The following SKAP2 variants were observed in gnomAD, a reference collection of about 807,000 sequenced individuals.
SKAP2 encodes src kinase associated phosphoprotein 2, also known as src kinase-associated phosphoprotein 2.
A neutral mutation model predicts 54.9 loss-of-function variants in SKAP2; 28 were observed. The observed-to-expected ratio is 0.51, with a 90% confidence interval of 0.38 to 0.70. SKAP2 has a LOEUF of 0.70. Ranked by LOEUF, SKAP2 falls within the 30% of genes least tolerant of loss-of-function variation. The probability of loss-of-function intolerance (pLI) is 0.00; values close to 1 mark genes in which losing one functional copy is unlikely to be tolerated. For synonymous variants in SKAP2, 137 were observed against 134.3 expected (o/e 1.02, Z -0.14); for missense variants, 356 against 424.1 (o/e 0.84, Z 1.41).
intron 4 of SKAP2, among the ~76,000 whole-genome samples, chr7:26,772,662 T>C (rs1195954788): frequency 6.6e-6 from 1 of 152,252 alleles, no homozygotes; most frequent in Non-Finnish European, 1.5e-5. Flanking sequence ...GTAGTTGCTA[T>C]TGTGAATAGT....
intron 4 of SKAP2, among the ~76,000 whole-genome samples, chr7:26,767,985 G>A (rs1173532384): frequency 1.3e-5 from 2 of 152,146 alleles, no homozygotes; most frequent in Non-Finnish European, 2.9e-5. Flanking sequence ...GGTCCACTTG[G>A]TTCAGAGCTG....
chr7:26,754,502 T>A (rs1406571517), intron 4 of SKAP2, among the ~76,000 whole-genome samples: 1 of 152,070 alleles, frequency 6.6e-6, no homozygotes, highest in Non-Finnish European at 1.5e-5. Context: ...GTGGGCTATC[T>A]CACTGCAGGA....
At chr7:26,660,039 AT>A in the SKAP2 span, among the ~76,000 whole-genome samples, 1 of 152,056 alleles carries the variant, frequency 6.6e-6, no homozygotes, top group Non-Finnish European at 1.5e-5. Context: ...TCTTCTCAAC[AT>A]TTTTTTAAGA....
rs186917148 is a variant in SKAP2, at chr7:26,675,907, G to A, written c.988-5715C>T. Reference sequence around the variant, plus strand: ...AGAAAGAAGGTATTTGTCCACATTGGAACAGGGACCAACTAATTCCAGTTC... The same window carrying A: ...AGAAAGAAGGTATTTGTCCACATTGAAACAGGGACCAACTAATTCCAGTTC... On this transcript the variant is annotated intron_variant, in intron 11 of 12. Transcript: ENST00000345317. Among the ~76,000 whole-genome samples, 358 of 152,258 alleles carry A rather than the reference G, an allele frequency of 2.4e-3. 1 individual carries two copies. The highest frequency in any genetic ancestry group is 6.8e-3 in the Middle Eastern group (2 of 294).
chr7:26,777,595 C>A (rs1338859636), intron 4 of SKAP2, among the ~76,000 whole-genome samples: 9 of 152,046 alleles, frequency 5.9e-5, no homozygotes. Flanking sequence ...CACATGGTAG[C>A]AGTGTGTTTC....
chr7:26,841,501 C>G (rs1784815206), intron 4 of SKAP2, among the ~76,000 whole-genome samples: 1 of 152,044 alleles, frequency 6.6e-6, no homozygotes, highest in Non-Finnish European at 1.5e-5. Flanking sequence ...TACCAGCAAT[C>G]AAGTCGAAGC....
At chr7:26,796,264 CAT>C (rs1332560819) in intron 4 of SKAP2, among the ~76,000 whole-genome samples, 1 of 152,204 alleles carries the variant, frequency 6.6e-6, no homozygotes, top group Non-Finnish European at 1.5e-5. Flanking sequence ...TTGGTAATAA[CAT>C]CATAGCCATC....
intron 4 of SKAP2, among the ~76,000 whole-genome samples, chr7:26,829,649 T>C (rs1349074803): frequency 6.6e-6 from 1 of 151,970 alleles, no homozygotes. Context: ...AATAAGCACA[T>C]AAAAAGGTGA....
chr7:26,690,741 C>T (rs1562576770), intron 9 of SKAP2, among the ~76,000 whole-genome samples: 2 of 152,112 alleles, frequency 1.3e-5, no homozygotes, highest in Non-Finnish European at 2.9e-5. Context: ...TCAGGAAAAC[C>T]CTTAAATCCA....
chr7:26,715,154 GC>G (rs1787402295), intron 9 of SKAP2, among the ~76,000 whole-genome samples: 1 of 151,856 alleles, frequency 6.6e-6, no homozygotes, highest in South Asian at 2.1e-4. Context: ...ACAAATATTA[GC>G]ATTTTAATTT....
chr7:26,689,026 C>T (rs1471278006), intron 10 of SKAP2, among the ~76,000 whole-genome samples: 3 of 152,134 alleles, frequency 2.0e-5, no homozygotes, highest in Non-Finnish European at 4.4e-5. Flanking sequence ...AGATTTTGTT[C>T]TCGCTTCCTT....
At chr7:26,702,354 C>T (rs998798954) in intron 9 of SKAP2, among the ~76,000 whole-genome samples, 3 of 152,074 alleles carry the variant, frequency 2.0e-5, no homozygotes, top group African/African-American at 7.2e-5. Context: ...GTTGCCCAGG[C>T]TGGTCTTGAA....
At chr7:26,827,066 C>T (rs1387668626) in intron 4 of SKAP2, among the ~76,000 whole-genome samples, 4 of 152,046 alleles carry the variant, frequency 2.6e-5, no homozygotes, top group East Asian at 1.9e-4. Context: ...TTCTTTTCCC[C>T]GTGGTAAGAA....
At chr7:26,671,424 C>T (rs1464249916) in intron 11 of SKAP2, among the ~76,000 whole-genome samples, 1 of 151,952 alleles carries the variant, frequency 6.6e-6, no homozygotes, top group Non-Finnish European at 1.5e-5. Context: ...GATTAGTATG[C>T]TATTGACCAT....
At chr7:26,699,741 A>G (rs577414714) in intron 9 of SKAP2, among the ~76,000 whole-genome samples, 6 of 152,326 alleles carry the variant, frequency 3.9e-5, no homozygotes, top group South Asian at 2.1e-4. Context: ...CCTGAGATCA[A>G]TAAGTTTAAG....
intron 4 of SKAP2, among the ~76,000 whole-genome samples, chr7:26,744,700 G>A (rs188505745): frequency 1.3e-5 from 2 of 151,664 alleles, no homozygotes; most frequent in Non-Finnish European, 2.9e-5. Context: ...TAACATTGAT[G>A]TGTCTCCTAA....
chr7:26,684,227 T>C (rs1308291316), intron 11 of SKAP2, among the ~76,000 whole-genome samples: 3 of 152,150 alleles, frequency 2.0e-5, no homozygotes, highest in South Asian at 4.1e-4. Context: ...AAATATAGTA[T>C]GCTAAACAAC....
At chr7:26,794,621 GT>G (rs1368209677) in intron 4 of SKAP2, among the ~76,000 whole-genome samples, 1 of 152,164 alleles carries the variant, frequency 6.6e-6, no homozygotes, top group Non-Finnish European at 1.5e-5. Context: ...CAATTATCTT[GT>G]CCAGCCTGCT....
chr7:26,745,302 C>T (rs1261411849), intron 4 of SKAP2, among the ~76,000 whole-genome samples: 1 of 152,220 alleles, frequency 6.6e-6, no homozygotes, highest in Non-Finnish European at 1.5e-5. Context: ...GTCAAATATT[C>T]TGTGTCACCA....
Sources: gnomAD v4.1 joint callset for allele counts (sites outside exome capture counted in the v4.1 genomes callset) on GRCh38, gnomAD v4.1.1 for gene constraint, MANE v1.5 for transcripts, NCBI Gene and HGNC (gene_info 2026-07-23, HGNC 2026-07-21) for gene names.